CFH: variants seen among roughly 807,000 people sequenced by gnomAD.
CFH encodes H factor 1 (complement).
CFH carries 53 observed loss-of-function variants against 147.3 expected under a neutral mutation model. The ratio of observed to expected loss-of-function variants is 0.36; its 90% CI spans 0.29 to 0.45. The LOEUF is 0.45. CFH is among the 20% of genes least tolerant of loss of function. The probability of loss-of-function intolerance (pLI) is 1.00; values close to 1 mark genes in which losing one functional copy is unlikely to be tolerated. For missense variants in CFH, 1,380 were observed against 1,498.0 expected, an observed-to-expected ratio of 0.92 and a Z score of 1.30; for synonymous variants, 536 against 489.4, an observed-to-expected ratio of 1.10 and a Z score of -1.26.
chr1:196,739,740 C>G (rs534930498), intron 17 of CFH, among the ~76,000 whole-genome samples: 4 of 152,298 alleles, frequency 2.6e-5, no homozygotes, highest in African/African-American at 9.6e-5. Flanking sequence ...CCAAATGGTT[C>G]TAACCCCTGC....
At chr1:196,691,391 T>G (rs1668019178) in intron 9 of CFH, among the ~76,000 whole-genome samples, 1 of 152,102 alleles carries the variant, frequency 6.6e-6, no homozygotes, top group South Asian at 2.1e-4. Flanking sequence ...CCAACATACA[T>G]TTATATCAAC....
At chr1:196,724,033 G>C (rs898650121) in intron 11 of CFH, among the ~76,000 whole-genome samples, 1 of 152,094 alleles carries the variant, frequency 6.6e-6, no homozygotes, top group African/African-American at 2.4e-5. Context: ...CACCGCGTCT[G>C]CGTGTCTGCT....
chr1:196,677,252 T>C (rs1316194939), intron 4 of CFH: 4 of 471,442 alleles, frequency 8.5e-6, no homozygotes, highest in African/African-American at 5.8e-5. Context: ...TTGAAAGTAG[T>C]AATTTTCATT....
chr1:196,722,791 T>G (rs1267622575), intron 11 of CFH, among the ~76,000 whole-genome samples: 2 of 152,146 alleles, frequency 1.3e-5, no homozygotes, highest in Middle Eastern at 3.2e-3. Flanking sequence ...TTGCTCTTTA[T>G]TTTTGTCTGA....
In CFH at chr1:196,725,107, T is replaced by C. The variant is rs1367032633; in HGVS notation, c.1697-14T>C. 6.2e-7 allele frequency: 1 copy of C among 1,604,014 alleles called. No homozygotes were observed. The highest frequency in any genetic ancestry group is 1.7e-4 in the Middle Eastern group (1 of 6,024). On this transcript the variant is annotated splice_polypyrimidine_tract_variant and intron_variant, in intron 11 of 21. Transcript: ENST00000367429. The stretch of plus-strand genomic sequence containing the variant: ...AATTATATATTCTCATGAAATTATT[T>C]TACCTTTTTCAAGAAAGAGAATGCG...
At chr1:196,723,305 G>A (rs1669047314) in intron 11 of CFH, among the ~76,000 whole-genome samples, 1 of 152,006 alleles carries the variant, frequency 6.6e-6, no homozygotes. Flanking sequence ...TTTAGGTTCT[G>A]GGTTCTTTCA....
Position 196,671,483 on chromosome 1 carries a change from T to G in CFH, c.59-1495T>G, listed in dbSNP as rs536665738. ...CTCAGAGGGACCTGGGTAACACTTT[T>G]AGTTTGAGTCAGTCCCATTTCTGGT... On this transcript the variant is annotated intron_variant, in intron 1 of 21. Transcript: ENST00000367429. Among the ~76,000 whole-genome samples, 16 of 151,922 alleles carry G rather than the reference T, an allele frequency of 1.1e-4. No individual in the cohort carries two copies. The South Asian group carries it at 3.3e-3, about 32-fold the overall frequency.
chr1:196,701,274 C>T, intron 9 of CFH: 2 of 1,613,456 alleles, frequency 1.2e-6, no homozygotes, highest in South Asian at 1.1e-5. Flanking sequence ...GGAATCTCAG[C>T]AAGCCTAACT....
At chr1:196,706,233 C>T (rs1228664505) in intron 9 of CFH, among the ~76,000 whole-genome samples, 1 of 152,134 alleles carries the variant, frequency 6.6e-6, no homozygotes, top group African/African-American at 2.4e-5. Context: ...GTTGTCCATG[C>T]TCATGGGGCC....
intron 17 of CFH, 99 bp downstream of exon 17, chr1:196,737,759 T>C: frequency 1.2e-6 from 1 of 853,022 alleles, no homozygotes; most frequent in Non-Finnish European, 1.8e-6. Context: ...TTACTGCATA[T>C]ATAAAATAAT....
At chr1:196,738,227 T>C (rs1448940667) in intron 17 of CFH, among the ~76,000 whole-genome samples, 3 of 152,140 alleles carry the variant, frequency 2.0e-5, no homozygotes, top group Admixed American at 1.3e-4. Flanking sequence ...ACAATTCAAA[T>C]TGTTATTTGG....
intron 1 of CFH, among the ~76,000 whole-genome samples, chr1:196,670,019 G>A (rs1274055496): frequency 1.3e-5 from 2 of 152,172 alleles, no homozygotes; most frequent in Non-Finnish European, 2.9e-5. Context: ...GGAATCAAAG[G>A]GGACTGTTTT....
In CFH at chr1:196,673,142, A is replaced by C. The variant is rs1439683865; in HGVS notation, c.223A>C (p.Asn75His). 8 of 1,613,424 alleles carry C rather than the reference A, an allele frequency of 5.0e-6. No homozygotes were observed. In the Admixed American group the frequency reaches 1.2e-4, roughly 24 times the overall value. ...CAGGAAGGGAGAATGGGTTGCTCTT[A>C]ATCCATTAAGGAAATGTCAGAGTAA... ...VCRKGEWVAL[N>H]PLRKCQKRPC... The change falls in exon 2 of 22, where the codon AAT becomes CAT. Residue 75 changes from asparagine to histidine, a missense_variant. Asn to His is a moderately conservative substitution (Grantham distance 68). Transcript: ENST00000367429.
chr1:196,672,915 C>T (rs1015343796), intron 1 of CFH, 63 bp from the exon 2 acceptor site: 6 of 1,384,634 alleles, frequency 4.3e-6, no homozygotes, highest in Non-Finnish European at 6.1e-6. Flanking sequence ...GCAACAATTA[C>T]CTAAATATAC....
Position 196,708,781 on chromosome 1 carries a change from T to C in CFH, c.1337-4954T>C, listed in dbSNP as rs543785465. 1.1e-4 allele frequency among the ~76,000 whole-genome samples: 17 copies of C among 152,220 alleles called. No homozygotes were observed. The East Asian group carries it at 2.7e-3, about 24-fold the overall frequency. ...ACTTACTGAGATACTTCTCAGTCCA[T>C]CCTAATGACAAAATATTCTGCCCAT... On this transcript the variant is annotated intron_variant, in intron 9 of 21. Transcript: ENST00000367429.
rs118081071 is a variant in CFH at position 196,722,251 on chromosome 1, T to G, written c.1697-2870T>G. Reference sequence around the variant, plus strand: ...TGTGGGGTGAATTCCTAAAGTGGATTTCTAGTGGTGATGAACTTCCTTAGT... The same window carrying G: ...TGTGGGGTGAATTCCTAAAGTGGATGTCTAGTGGTGATGAACTTCCTTAGT... On this transcript the variant is annotated intron_variant, in intron 11 of 21. Transcript: ENST00000367429. Among the ~76,000 whole-genome samples the G allele has an allele frequency of 7.7e-4, 117 of 152,220 alleles. 1 individual carries two copies. In the East Asian group the frequency reaches 0.021, roughly 27 times the overall value.
chr1:196,710,678 C>T (rs922398204), intron 9 of CFH, among the ~76,000 whole-genome samples: 7 of 152,128 alleles, frequency 4.6e-5, no homozygotes, highest in African/African-American at 1.4e-4. Flanking sequence ...GACACATTCA[C>T]AGATGAATCT....
intron 9 of CFH, among the ~76,000 whole-genome samples, chr1:196,709,491 G>A (rs937497558): frequency 1.3e-5 from 2 of 151,998 alleles, no homozygotes; most frequent in Non-Finnish European, 2.9e-5. Context: ...TACCATATTA[G>A]CTTTTACACC....
chr1:196,746,361 A>G (rs1573086270), intron 21 of CFH, among the ~76,000 whole-genome samples: 1 of 152,256 alleles, frequency 6.6e-6, no homozygotes, highest in African/African-American at 2.4e-5. Context: ...TGAGGCAGGA[A>G]AATGGCGGGA....
Sources: allele counts gnomAD v4.1 joint callset (sites outside exome capture counted in the v4.1 genomes callset), GRCh38; gene constraint gnomAD v4.1.1; transcripts MANE v1.5; gene names NCBI Gene and HGNC (gene_info 2026-07-23, HGNC 2026-07-21).